The following CUX2 variants were observed in gnomAD, a reference collection of about 807,000 sequenced individuals.
CUX2 encodes cut like homeobox 2, also known as homeobox protein cut-like 2.
Under a neutral mutation model 144.8 loss-of-function variants are expected in CUX2, and 40 were observed. That is an observed-to-expected ratio of 0.28 (90% CI 0.21 to 0.36). CUX2 has a LOEUF of 0.36. CUX2 is among the 10% of genes least tolerant of loss of function. The pLI is 1.00. For synonymous variants in CUX2, 827 were observed against 875.6 expected (o/e 0.94, Z 0.98); for missense variants, 1,615 against 1,994.0 (o/e 0.81, Z 3.62).
chr12:111,238,394 G>A (rs932033454), intron 3 of CUX2, among the ~76,000 whole-genome samples: 4 of 152,168 alleles, frequency 2.6e-5, no homozygotes, highest in Non-Finnish European at 4.4e-5. Flanking sequence ...TGCTGTAGCC[G>A]TTTCTATGTT....
chr12:111,164,228 C>T (rs1877971881), intron 1 of CUX2, among the ~76,000 whole-genome samples: 1 of 152,066 alleles, frequency 6.6e-6, no homozygotes, highest in African/African-American at 2.4e-5. Flanking sequence ...TCCCATATTC[C>T]CAGCACCCTT....
In CUX2 at chr12:111,178,733, T is replaced by A. The variant is rs1482866375; in HGVS notation, c.64-35467T>A. The stretch of plus-strand genomic sequence containing the variant: ...GTTTAATGAGGGAGATGGACATTTA[T>A]GGGATGGCCGTTTGGAATGAAGTCC... On this transcript the variant is annotated intron_variant, in intron 1 of 21. Transcript: ENST00000261726. This position sits in a 1 kb window ranked among gnomAD's most constrained non-coding sequence, Gnocchi z 5.7. Among the ~76,000 whole-genome samples the A allele has an allele frequency of 1.3e-5, 2 of 152,136 alleles. No individual in the cohort carries two copies. The highest frequency in any genetic ancestry group is 4.8e-5 in the African/African-American group (2 of 41,418).
chr12:111,341,026 G>A (rs919985925), intron 20 of CUX2, among the ~76,000 whole-genome samples: 11 of 152,104 alleles, frequency 7.2e-5, no homozygotes, highest in African/African-American at 2.7e-4. Flanking sequence ...AACTGCTGGC[G>A]AGCGTACCCT....
intron 1 of CUX2, among the ~76,000 whole-genome samples, chr12:111,041,708 C>G (rs1442305108): frequency 6.6e-6 from 1 of 152,184 alleles, no homozygotes; most frequent in East Asian, 1.9e-4. Flanking sequence ...GGGACATTTC[C>G]AGGCAGAGGG....
At chr12:111,343,870 G>C (rs1325329694) in intron 21 of CUX2, among the ~76,000 whole-genome samples, 1 of 152,164 alleles carries the variant, frequency 6.6e-6, no homozygotes, top group African/African-American at 2.4e-5. Flanking sequence ...AGACCAGCCT[G>C]GCCAAAATGA....
At chr12:111,065,722 A>C (rs1870993717) in intron 1 of CUX2, among the ~76,000 whole-genome samples, 1 of 152,186 alleles carries the variant, frequency 6.6e-6, no homozygotes, top group Admixed American at 6.5e-5. Context: ...TTTTAAGTTA[A>C]TTTCTTGGCA....
At chr12:111,069,549 T>TGC (rs1247312353) in intron 1 of CUX2, among the ~76,000 whole-genome samples, 5,660 of 150,428 alleles carry the variant, frequency 0.038, 347 homozygotes, top group African/African-American at 0.13. Context: ...TGTGTGTGTG[T>TGC]GTGCGCGCGC....
intron 3 of CUX2, among the ~76,000 whole-genome samples, chr12:111,235,984 G>A (rs1311668538): frequency 1.3e-5 from 2 of 152,144 alleles, no homozygotes; most frequent in Non-Finnish European, 2.9e-5. Flanking sequence ...TCCTCCAGGA[G>A]CCAGTGGGAC....
At chr12:111,141,050 G>T (rs1352626145) in intron 1 of CUX2, among the ~76,000 whole-genome samples, 2 of 152,168 alleles carry the variant, frequency 1.3e-5, no homozygotes, top group Non-Finnish European at 2.9e-5. Context: ...AGATGAGTCA[G>T]ATAAAGCCAG....
At chr12:111,079,475 C>T (rs556148956) in intron 1 of CUX2, among the ~76,000 whole-genome samples, 4 of 152,244 alleles carry the variant, frequency 2.6e-5, no homozygotes, top group East Asian at 3.9e-4. Context: ...CCTACCTGGT[C>T]GCTCAAGCCC....
At chr12:111,109,953 G>T (rs922863827) in intron 1 of CUX2, among the ~76,000 whole-genome samples, 2 of 152,036 alleles carry the variant, frequency 1.3e-5, no homozygotes, top group African/African-American at 4.8e-5. Context: ...ATAGCTCACT[G>T]CATCCTCCAA....
At chr12:111,055,039 T>C (rs1372125917) in intron 1 of CUX2, among the ~76,000 whole-genome samples, 6 of 152,250 alleles carry the variant, frequency 3.9e-5, no homozygotes, top group Admixed American at 3.9e-4. Flanking sequence ...CCACAGTCCA[T>C]GTTCGTACGC....
Position 111,068,314 on chromosome 12 carries a change from G to A in CUX2, c.63+34074G>A, listed in dbSNP as rs1326885364. 6.6e-6 allele frequency among the ~76,000 whole-genome samples: 1 copy of A among 152,024 alleles called. No homozygotes were observed. The highest frequency in any genetic ancestry group is 1.5e-5 in the Non-Finnish European group (1 of 68,014). On this transcript the variant is annotated intron_variant, in intron 1 of 21. Transcript: ENST00000261726. This position sits in a 1 kb window ranked among gnomAD's most constrained non-coding sequence, Gnocchi z 4.9. ...GATTTGCTCTGGGGTTGGCTTCCTC[G>A]AACCAAAATAACTCTCACAATGCAC... is the stretch of plus-strand genomic sequence containing the variant.
In CUX2 at chr12:111,308,314, G is replaced by T. The variant is rs1886701139; in HGVS notation, c.1139G>T (p.Ser380Ile). Residue 380 changes from serine (S) to isoleucine (I), a missense_variant, in exon 13 of 22, where the codon AGC becomes ATC. Physicochemically the swap from Ser to Ile is moderately radical, Grantham distance 142. Coordinates refer to ENST00000261726, the MANE Select transcript of CUX2 (RefSeq NM_015267.4). ...CTGAAAGCCATGAAGCTGGCCTCCAGCACCTGCAGCCTCCCCCAGGTAAGT... is the reference window on the plus strand; with the variant it reads ...CTGAAAGCCATGAAGCTGGCCTCCATCACCTGCAGCCTCCCCCAGGTAAGT... ...SILKAMKLAS[S>I]TCSLPQGMAK... 1 of 1,613,996 alleles carries T rather than the reference G, an allele frequency of 6.2e-7. No homozygotes were observed. The highest frequency in any genetic ancestry group is 8.5e-7 in the Non-Finnish European group (1 of 1,180,020).
chr12:111,206,032 A>C (rs1166075818), intron 1 of CUX2, among the ~76,000 whole-genome samples: 1 of 152,244 alleles, frequency 6.6e-6, no homozygotes, highest in Non-Finnish European at 1.5e-5. Context: ...AAGAAAACTC[A>C]AGACAAGAAC....
chr12:111,256,484 C>T (rs896722903), intron 3 of CUX2, among the ~76,000 whole-genome samples: 2 of 152,148 alleles, frequency 1.3e-5, no homozygotes, highest in African/African-American at 2.4e-5. Flanking sequence ...CAGACGTCCA[C>T]CCCCCATCAT....
chr12:111,054,182 A>C (rs542935105), intron 1 of CUX2, among the ~76,000 whole-genome samples: 148 of 152,068 alleles, frequency 9.7e-4, no homozygotes, highest in African/African-American at 3.5e-3. Flanking sequence ...AAAACAAAAA[A>C]CAGATTCCTG....
intron 1 of CUX2, among the ~76,000 whole-genome samples, chr12:111,048,852 G>A (rs1358091777): frequency 6.6e-6 from 1 of 152,144 alleles, no homozygotes; most frequent in Non-Finnish European, 1.5e-5. Flanking sequence ...GTGGGCTGGA[G>A]TATGGAATAA....
intron 1 of CUX2, among the ~76,000 whole-genome samples, chr12:111,064,849 A>G (rs1449128353): frequency 6.6e-6 from 1 of 152,228 alleles, no homozygotes; most frequent in East Asian, 1.9e-4. Flanking sequence ...TCATGTGGAA[A>G]GGACTTGGAG....
Sources: gnomAD v4.1 joint callset for allele counts (sites outside exome capture counted in the v4.1 genomes callset) on GRCh38, gnomAD v4.1.1 for gene constraint, Gnocchi (gnomAD v3.1) non-coding constraint, MANE v1.5 for transcripts, NCBI Gene and HGNC (gene_info 2026-07-23, HGNC 2026-07-21) for gene names.